FRMPD4: variants seen among roughly 807,000 people sequenced by gnomAD.
FRMPD4 encodes FERM and PDZ domain-containing protein 4.
Under a neutral mutation model 94.1 loss-of-function variants are expected in FRMPD4, and 22 were observed. The observed-to-expected ratio is 0.23, with a 90% confidence interval of 0.17 to 0.33. The LOEUF (loss-of-function observed/expected upper bound fraction) is 0.33. Among genes scored for constraint, FRMPD4 ranks in the 10% least tolerant of loss-of-function variants. The pLI, the probability that FRMPD4 is intolerant of heterozygous loss-of-function variation, is 1.00. For synonymous variants in FRMPD4, 631 were observed against 548.6 expected (o/e 1.15, Z -2.10); for missense variants, 1,111 against 1,339.9 (o/e 0.83, Z 2.67).
intron 3 of FRMPD4, among the ~76,000 whole-genome samples, chrX:12,000,484 A>G (rs1423549505): frequency 8.9e-6 from 1 of 112,208 alleles, no homozygotes; most frequent in African/African-American, 3.2e-5. Context: ...CAATTATAGT[A>G]CTAGTATAAT....
At chrX:12,281,086 AGCAAAACAAT>A (rs1270548946) in intron 1 of FRMPD4, among the ~76,000 whole-genome samples, 2 of 112,495 alleles carry the variant, frequency 1.8e-5, no homozygotes, top group Non-Finnish European at 3.7e-5. Context: ...AACAAAACAA[AGCAAAACAAT>A]AAAACCAGCA....
Position 12,139,028 on chromosome X carries a change from G to A in FRMPD4, c.41+16G>A. ...AGCTTTCGAGGTAGGGGCTGCGCGG[G>A]TTCCGTTTGCACCCAGGGCCGCTGC... On this transcript the variant is annotated intron_variant, in intron 1 of 16. Transcript: ENST00000675598. The A allele has an allele frequency of 8.8e-7, 1 of 1,135,803 alleles. No individual in the cohort carries two copies. Among genetic ancestry groups the A allele is most frequent in the Admixed American group, 2.6e-5 (1 of 38,278 alleles). 93.6% of individuals were successfully genotyped at this position (1,135,803 alleles called of 1,213,427 possible). A position where few individuals can be genotyped will look rare whatever the true frequency, so the allele number is the denominator to read the frequency against.
chrX:11,994,351 C>T (rs1323345065), intron 3 of FRMPD4, among the ~76,000 whole-genome samples: 2 of 111,299 alleles, frequency 1.8e-5, no homozygotes, highest in Admixed American at 1.9e-4. Context: ...AATTACTCCC[C>T]TAATGGCCTG....
At chrX:12,567,268 C>T (rs1162119590) in intron 2 of FRMPD4, among the ~76,000 whole-genome samples, 1 of 111,551 alleles carries the variant, frequency 9.0e-6, no homozygotes, top group African/African-American at 3.3e-5. Flanking sequence ...TCTAAGAACC[C>T]CTCCAATGCT....
chrX:12,292,307 G>A (rs745832280), intron 1 of FRMPD4, among the ~76,000 whole-genome samples: 1 of 111,659 alleles, frequency 9.0e-6, no homozygotes, highest in East Asian at 2.8e-4. Context: ...TGTTGTGGGC[G>A]TTAATGTATG....
At chrX:12,250,072 T>TG (rs2054017109) in intron 1 of FRMPD4, among the ~76,000 whole-genome samples, 2 of 91,444 alleles carry the variant, frequency 2.2e-5, no homozygotes, top group Admixed American at 1.2e-4. Context: ...GTTTGTGTGT[T>TG]TGTGTGTGTG....
At chrX:12,296,067 T>C (rs1233792957) in intron 1 of FRMPD4, among the ~76,000 whole-genome samples, 1 of 110,953 alleles carries the variant, frequency 9.0e-6, no homozygotes, top group Non-Finnish European at 1.9e-5. Flanking sequence ...ATCCACTAGA[T>C]GCCTGTAGTG....
chrX:12,519,782 C>T (rs758126718), intron 2 of FRMPD4, among the ~76,000 whole-genome samples: 12 of 111,917 alleles, frequency 1.1e-4, no homozygotes, highest in Non-Finnish European at 1.7e-4. Context: ...GATAAATGAC[C>T]AACAAACATG....
chrX:12,490,575 C>T (rs978229787), intron 1 of FRMPD4, among the ~76,000 whole-genome samples: 3 of 111,806 alleles, frequency 2.7e-5, no homozygotes, highest in Non-Finnish European at 5.6e-5. Flanking sequence ...ATGATAGCAG[C>T]TTTTGATCAC....
chrX:12,154,835 T>C (rs12009446), intron 1 of FRMPD4, among the ~76,000 whole-genome samples: 2,178 of 112,462 alleles, frequency 0.019, 55 homozygotes, highest in African/African-American at 0.066. Context: ...GTTTTCTCTC[T>C]TCCTGCTCCA....
chrX:12,431,424 T>TACTG (rs2057008730), intron 1 of FRMPD4, among the ~76,000 whole-genome samples: 1 of 112,559 alleles, frequency 8.9e-6, no homozygotes, highest in Admixed American at 9.4e-5. Context: ...ATGAGACATT[T>TACTG]ACTGACTACC....
At chrX:12,023,936 G>T (rs2054645393) in intron 3 of FRMPD4, among the ~76,000 whole-genome samples, 1 of 111,566 alleles carries the variant, frequency 9.0e-6, no homozygotes, top group Non-Finnish European at 1.9e-5. Flanking sequence ...TGGGAGAGTG[G>T]CAGTGGTGAA....
chrX:12,559,068 C>T (rs1462831532), intron 2 of FRMPD4, among the ~76,000 whole-genome samples: 1 of 112,219 alleles, frequency 8.9e-6, no homozygotes, highest in Non-Finnish European at 1.9e-5. Context: ...CTACCCATTA[C>T]CCAAGATAAT....
intron 2 of FRMPD4, among the ~76,000 whole-genome samples, chrX:12,575,999 G>A (rs1056901360): frequency 1.8e-5 from 2 of 112,125 alleles, no homozygotes; most frequent in Admixed American, 9.4e-5. Context: ...TTGTCATGGC[G>A]GCAATGGGAA....
intron 3 of FRMPD4, among the ~76,000 whole-genome samples, chrX:11,879,596 T>C: frequency 9.0e-6 from 1 of 111,380 alleles, no homozygotes; most frequent in South Asian, 3.8e-4. Flanking sequence ...TGAAGCTTTT[T>C]GTTATCCCTG....
At chrX:12,290,701 T>A (rs888010716) in intron 1 of FRMPD4, among the ~76,000 whole-genome samples, 8 of 111,961 alleles carry the variant, frequency 7.1e-5, no homozygotes, top group Non-Finnish European at 1.5e-4. Context: ...TAAAAGGCTA[T>A]TTGAAGATGT....
intron 1 of FRMPD4, among the ~76,000 whole-genome samples, chrX:12,284,868 A>G (rs2054577926): frequency 8.9e-6 from 1 of 111,876 alleles, no homozygotes; most frequent in Non-Finnish European, 1.9e-5. Context: ...TGCATTTAAC[A>G]TTTCTCTATG....
At chrX:12,604,626 T>C (rs960630224) in intron 2 of FRMPD4, among the ~76,000 whole-genome samples, 3 of 112,461 alleles carry the variant, frequency 2.7e-5, no homozygotes, top group African/African-American at 9.7e-5. Context: ...TTTCTATTCA[T>C]TGATCTCCAG....
In FRMPD4 at chrX:12,485,953, G is replaced by A. The variant is rs183069250; in HGVS notation, c.42-12727G>A. On this transcript the variant is annotated intron_variant, in intron 1 of 16. Transcript: ENST00000675598. ...TCAGAGATGACTATTAATGTGAAGTGCAAGTTTTGTTCAGGAGCCATATTT... is the reference window on the plus strand; with the variant it reads ...TCAGAGATGACTATTAATGTGAAGTACAAGTTTTGTTCAGGAGCCATATTT... Among the ~76,000 whole-genome samples the A allele has an allele frequency of 2.6e-3, 290 of 110,198 alleles. 1 individual carries two copies. The highest frequency in any genetic ancestry group is 8.9e-3 in the African/African-American group (271 of 30,331).
Sources: gnomAD v4.1 joint callset for allele counts (sites outside exome capture counted in the v4.1 genomes callset) on GRCh38, gnomAD v4.1.1 for gene constraint, MANE v1.5 for transcripts, NCBI Gene and HGNC (gene_info 2026-07-23, HGNC 2026-07-21) for gene names.